The following CLDN10 variants were observed in gnomAD, a reference collection of about 807,000 sequenced individuals.
CLDN10 encodes claudin-10.
Under a neutral mutation model 22.9 loss-of-function variants are expected in CLDN10, and 15 were observed. That is an observed-to-expected ratio of 0.65 (90% CI 0.44 to 1.01). The LOEUF is 1.01. CLDN10 is among the 50% of genes least tolerant of loss of function. The pLI, the probability that CLDN10 is intolerant of heterozygous loss-of-function variation, is 0.00. For missense variants in CLDN10, 247 were observed against 287.8 expected, an observed-to-expected ratio of 0.86 and a Z score of 1.03; for synonymous variants, 114 against 111.4, an observed-to-expected ratio of 1.02 and a Z score of -0.15.
At chr13:95,451,463 C>T (rs893903141) in intron 1 of CLDN10, among the ~76,000 whole-genome samples, 7 of 152,220 alleles carry the variant, frequency 4.6e-5, no homozygotes, top group Admixed American at 3.9e-4. Flanking sequence ...TATGGTCTCG[C>T]TCTGTCACCC....
intron 1 of CLDN10, among the ~76,000 whole-genome samples, chr13:95,558,723 C>T (rs560855019): frequency 4.6e-5 from 7 of 152,228 alleles, no homozygotes; most frequent in Admixed American, 6.5e-5. Flanking sequence ...GCCAGGAATT[C>T]GAGACTAATC....
chr13:95,465,806 G>A (rs925383762), intron 1 of CLDN10, among the ~76,000 whole-genome samples: 23 of 152,058 alleles, frequency 1.5e-4, no homozygotes, highest in African/African-American at 4.8e-4. Flanking sequence ...GTCTTTCTTC[G>A]CTACTGTCAT....
chr13:95,441,088 C>G (rs543933028), intron 1 of CLDN10, among the ~76,000 whole-genome samples: 3 of 152,162 alleles, frequency 2.0e-5, no homozygotes, highest in South Asian at 2.1e-4. Flanking sequence ...AGGCACTCAA[C>G]GAAGTTGTGT....
intron 1 of CLDN10, among the ~76,000 whole-genome samples, chr13:95,547,697 C>T (rs2043523863): frequency 6.6e-6 from 1 of 152,184 alleles, no homozygotes; most frequent in South Asian, 2.1e-4. Context: ...TTTCTGATTA[C>T]ATCATCTACC....
intron 1 of CLDN10, among the ~76,000 whole-genome samples, chr13:95,489,065 C>A (rs1001947212): frequency 7.4e-6 from 1 of 134,958 alleles, no homozygotes; most frequent in African/African-American, 2.9e-5. Flanking sequence ...AATTCTCCTG[C>A]CTCAGCCTCC....
intron 1 of CLDN10, among the ~76,000 whole-genome samples, chr13:95,532,983 C>G (rs563359028): frequency 6.6e-6 from 1 of 151,528 alleles, no homozygotes; most frequent in Non-Finnish European, 1.5e-5. Flanking sequence ...GGAGTGGGAT[C>G]GACTGGGAAG....
At chr13:95,532,948 T>C (rs903714827) in intron 1 of CLDN10, among the ~76,000 whole-genome samples, 1 of 152,030 alleles carries the variant, frequency 6.6e-6, no homozygotes. Context: ...ACTAGTCTAC[T>C]GTGGAAAACA....
At position 95,552,758 on chromosome 13, in the gene CLDN10, C is replaced by T; in HGVS notation, c.5C>T (p.Ala2Val). ...AGCGCGGCTGCAGCCGGCGGCATGG[C>T]TAGCACGGCTTCGGAGATCATCGCC... Reference protein sequence around the residue: MASTASEIIAFM... With the variant: MVSTASEIIAFM... The change falls in exon 1 of 5, where the codon GCT becomes GTT. Residue 2 changes from alanine to valine, a missense_variant. Transcript: ENST00000299339. 1.2e-6 allele frequency: 2 copies of T among 1,611,240 alleles called. No individual in the cohort carries two copies. Among genetic ancestry groups the T allele is most frequent in the Non-Finnish European group, 8.5e-7 (1 of 1,179,422 alleles).
intron 1 of CLDN10, among the ~76,000 whole-genome samples, chr13:95,504,228 T>C (rs1049178396): frequency 1.3e-5 from 2 of 152,204 alleles, no homozygotes; most frequent in Non-Finnish European, 2.9e-5. Flanking sequence ...AGACTATATA[T>C]GGGCATATTT....
intron 1 of CLDN10, among the ~76,000 whole-genome samples, chr13:95,559,527 G>A (rs116386728): frequency 0.01 from 1,523 of 152,264 alleles, 29 homozygotes; most frequent in African/African-American, 0.035. Context: ...CTTCACTAAA[G>A]TATTCCCTTA....
At chr13:95,554,718 G>T (rs59483123) in intron 1 of CLDN10, among the ~76,000 whole-genome samples, 48,956 of 152,048 alleles carry the variant, frequency 0.32, 8,281 homozygotes, top group Admixed American at 0.38. Flanking sequence ...TTCCAAGTCA[G>T]TACTTAATAG....
At chr13:95,482,703 G>A (rs1245436582) in intron 1 of CLDN10, among the ~76,000 whole-genome samples, 8 of 152,118 alleles carry the variant, frequency 5.3e-5, no homozygotes, top group East Asian at 1.9e-4. Flanking sequence ...CTGGCTGGGC[G>A]CGGTGGCTCA....
Position 95,482,332 on chromosome 13 carries a change from T to C in CLDN10, c.214+48285T>C, listed in dbSNP as rs370916131. Among the ~76,000 whole-genome samples, 47 of 152,318 alleles carry C rather than the reference T, an allele frequency of 3.1e-4. 1 individual carries two copies. Among genetic ancestry groups the C allele is most frequent in the African/African-American group, 1.1e-3 (45 of 41,586 alleles). On this transcript the variant is annotated intron_variant, in intron 1 of 4. Coordinates refer to the CLDN10 transcript ENST00000376873. ...GGGAGGTTAGATTTGGCCCAAAGTC[T>C]GTAGTTTGTTGACCCCTTCTCTAAT...
intron 1 of CLDN10, among the ~76,000 whole-genome samples, chr13:95,520,709 G>A (rs1278725326): frequency 3.9e-5 from 6 of 152,132 alleles, no homozygotes; most frequent in East Asian, 3.9e-4. Context: ...GAGGGCGGGC[G>A]TGGTGGCTCA....
chr13:95,442,522 A>T (rs1049371968), intron 1 of CLDN10, among the ~76,000 whole-genome samples: 2 of 152,188 alleles, frequency 1.3e-5, no homozygotes, highest in Non-Finnish European at 2.9e-5. Flanking sequence ...GATGTCAGTT[A>T]CTCATTAAAG....
At chr13:95,575,839 C>T (rs1026133774) in intron 3 of CLDN10, among the ~76,000 whole-genome samples, 1 of 152,274 alleles carries the variant, frequency 6.6e-6, no homozygotes. Flanking sequence ...TTCTTGTGCA[C>T]GTAACTCCAT....
At chr13:95,440,757 T>C (rs1594519759) in intron 1 of CLDN10, among the ~76,000 whole-genome samples, 2 of 152,256 alleles carry the variant, frequency 1.3e-5, no homozygotes, top group East Asian at 1.9e-4. Context: ...AATTGGACTT[T>C]CGCAGTAGAA....
chr13:95,555,267 C>T (rs768686997), intron 1 of CLDN10, among the ~76,000 whole-genome samples: 8 of 152,160 alleles, frequency 5.3e-5, no homozygotes, highest in South Asian at 2.1e-4. Flanking sequence ...AGGCTGATCG[C>T]GAACTCCTGA....
chr13:95,523,574 C>A (rs1306596467), intron 1 of CLDN10, among the ~76,000 whole-genome samples: 1 of 151,446 alleles, frequency 6.6e-6, no homozygotes. Context: ...ATTATCTCAA[C>A]GTTCATTTGT....
Sources: gnomAD v4.1 joint callset for allele counts (sites outside exome capture counted in the v4.1 genomes callset) on GRCh38, gnomAD v4.1.1 for gene constraint, MANE v1.5 for transcripts, NCBI Gene and HGNC (gene_info 2026-07-23, HGNC 2026-07-21) for gene names.